RAD51: variants seen among roughly 807,000 people sequenced by gnomAD.
RAD51 encodes RAD51 recombinase, also known as DNA repair protein RAD51 homolog 1.
In RAD51, 14 loss-of-function variants were observed where a neutral mutation model predicts 41.5. The ratio of observed to expected loss-of-function variants is 0.34; its 90% CI spans 0.22 to 0.53. RAD51 has a LOEUF of 0.53. RAD51 is among the 20% of genes least tolerant of loss of function. The probability of loss-of-function intolerance (pLI) is 0.95; values close to 1 mark genes in which losing one functional copy is unlikely to be tolerated. For missense variants in RAD51, 234 were observed against 422.0 expected, an observed-to-expected ratio of 0.55 and a Z score of 3.90; for synonymous variants, 136 against 148.6, an observed-to-expected ratio of 0.92 and a Z score of 0.62.
chr15:40,728,863 A>T lies in RAD51; in HGVS notation c.644+39A>T, dbSNP rs569512886. The T allele has an allele frequency of 8.5e-6, 13 of 1,523,694 alleles. No individual in the cohort carries two copies. In the South Asian group the frequency reaches 1.5e-4, roughly 17 times the overall value. 94.4% of individuals were successfully genotyped at this position (1,523,694 alleles called of 1,614,324 possible). A position where few individuals can be genotyped will look rare whatever the true frequency, so the allele number is the denominator to read the frequency against. ...ATAAGACACCAAATATGTTCTTAAG[A>T]GTCCTTCCCTGAATCTTGTAATGGC... On this transcript the variant is annotated intron_variant, in intron 7 of 9. Coordinates refer to ENST00000267868, the MANE Select transcript of RAD51 (RefSeq NM_002875.5).
At chr15:40,702,354 G>C (rs1007776527) in intron 3 of RAD51, among the ~76,000 whole-genome samples, 4 of 152,100 alleles carry the variant, frequency 2.6e-5, no homozygotes, top group Non-Finnish European at 4.4e-5. Flanking sequence ...GCGAGATCTT[G>C]GTTTCAGAAA....
intron 2 of RAD51, 54 bp downstream of exon 2, chr15:40,698,899 G>GTAGAA: frequency 1.3e-6 from 2 of 1,511,062 alleles, no homozygotes; most frequent in Non-Finnish European, 1.8e-6. Flanking sequence ...TCTACCTAGT[G>GTAGAA]GAAGGTATTA....
intron 3 of RAD51, among the ~76,000 whole-genome samples, chr15:40,702,446 C>T (rs1382242651): frequency 2.6e-5 from 4 of 152,118 alleles, no homozygotes; most frequent in East Asian, 1.9e-4. Flanking sequence ...TATAGACTTA[C>T]GTGTCTTTAC....
At chr15:40,722,740 A>ATTT (rs891491509) in intron 6 of RAD51, among the ~76,000 whole-genome samples, 48 of 152,296 alleles carry the variant, frequency 3.2e-4, no homozygotes, top group African/African-American at 1.1e-3. Flanking sequence ...CCTAACTATA[A>ATTT]TTTTTCAGAG....
chr15:40,723,631 G>C, intron 6 of RAD51, among the ~76,000 whole-genome samples: 1 of 152,142 alleles, frequency 6.6e-6, no homozygotes, highest in East Asian at 1.9e-4. Context: ...ATAATCTAAG[G>C]GATAGAAGAA....
intron 3 of RAD51, among the ~76,000 whole-genome samples, chr15:40,705,636 G>T (rs962178871): frequency 6.6e-6 from 1 of 152,062 alleles, no homozygotes; most frequent in East Asian, 1.9e-4. Context: ...ACAGAGTCTC[G>T]CTCTGTCCCC....
intron 2 of RAD51, among the ~76,000 whole-genome samples, chr15:40,700,140 C>G (rs746501853): frequency 6.6e-6 from 1 of 152,180 alleles, no homozygotes; most frequent in Non-Finnish European, 1.5e-5. Flanking sequence ...AATCTCTCCC[C>G]TCTTCTAAAT....
At position 40,729,649 on chromosome 15, in the gene RAD51, A is replaced by G; in HGVS notation, c.774+15A>G. ...TCGCTGATGAGGTAAGTTGTGGGAT[A>G]GGGACAGAGAATGCCTACTTTCAGT... On this transcript the variant is annotated intron_variant, in intron 8 of 9. Transcript: ENST00000267868. The G allele has an allele frequency of 6.2e-7, 1 of 1,613,428 alleles. No individual in the cohort carries two copies. Among genetic ancestry groups the G allele is most frequent in the Non-Finnish European group, 8.5e-7 (1 of 1,179,944 alleles).
At chr15:40,710,059 A>G (rs993158216) in intron 5 of RAD51, among the ~76,000 whole-genome samples, 1 of 151,770 alleles carries the variant, frequency 6.6e-6, no homozygotes. Context: ...TGGCTAACAC[A>G]GTGAAACCCC....
chr15:40,721,627 G>A (rs1312703467), intron 6 of RAD51, among the ~76,000 whole-genome samples: 1 of 152,140 alleles, frequency 6.6e-6, no homozygotes, highest in Non-Finnish European at 1.5e-5. Flanking sequence ...ACAGATGTGA[G>A]CCACTAAACC....
intron 3 of RAD51, among the ~76,000 whole-genome samples, chr15:40,702,971 T>A (rs1227672742): frequency 6.6e-6 from 1 of 152,212 alleles, no homozygotes; most frequent in African/African-American, 2.4e-5. Flanking sequence ...TATAGGCACA[T>A]GCCACTAGCC....
chr15:40,732,328 G>C lies in RAD51; in HGVS notation c.*1150G>C. ...CTTAAAAGCTAATGGAAAAATAAAA[G>C]AAAGACATACCATGGGTTGCCTTGT... On this transcript the variant is annotated 3_prime_UTR_variant, in exon 10 of 10. Transcript: ENST00000267868. 2 of 161,136 alleles carry C rather than the reference G, an allele frequency of 1.2e-5. No homozygotes were observed. Among genetic ancestry groups the C allele is most frequent in the East Asian group, 1.4e-4 (1 of 7,036 alleles). The allele number at this position is 161,136 out of a possible 1,614,324, so 10.0% of individuals were successfully genotyped here. A position where few individuals can be genotyped will look rare whatever the true frequency, so the allele number is the denominator to read the frequency against.
intron 8 of RAD51, 37 bp downstream of exon 8, chr15:40,729,671 C>T (rs756667020): frequency 6.2e-7 from 1 of 1,613,006 alleles, no homozygotes; most frequent in African/African-American, 1.3e-5. Context: ...TGCCTACTTT[C>T]AGTGGCTGTG....
intron 5 of RAD51, among the ~76,000 whole-genome samples, chr15:40,714,757 A>G (rs1326794068): frequency 1.3e-5 from 2 of 152,226 alleles, no homozygotes; most frequent in Admixed American, 6.5e-5. Flanking sequence ...TGTTTTCTCA[A>G]TTTAATGAAG....
In RAD51 at chr15:40,713,637, C is replaced by G. The variant is rs1190143191; in HGVS notation, c.435+4521C>G. Among the ~76,000 whole-genome samples, 32 of 140,928 alleles carry G rather than the reference C, an allele frequency of 2.3e-4. 1 individual carries two copies. 92.5% of individuals were successfully genotyped at this position (140,928 alleles called of 152,430 possible). On this transcript the variant is annotated intron_variant, in intron 5 of 9. Transcript: ENST00000267868. The stretch of plus-strand genomic sequence containing the variant: ...TTTTTTTTTTTTTGAGGCGGAGTCT[C>G]ATTCTGTCGCCTGGGCTGGAGTGCA...
At chr15:40,700,849 C>T (rs1894939591) in intron 2 of RAD51, among the ~76,000 whole-genome samples, 1 of 152,056 alleles carries the variant, frequency 6.6e-6, no homozygotes. Flanking sequence ...AGGTAATACG[C>T]CATTTTATAT....
intron 9 of RAD51, among the ~76,000 whole-genome samples, chr15:40,730,524 T>TTTTTTTTTTCTTTTC (rs1567056556): frequency 1.5e-5 from 2 of 132,580 alleles, no homozygotes; most frequent in African/African-American, 2.8e-5. Context: ...TTTTTTCTTT[T>TTTTTTTTTTCTTTTC]TTTTTTTTTT....
chr15:40,728,090 C>T (rs1896679174), intron 6 of RAD51, among the ~76,000 whole-genome samples: 1 of 152,140 alleles, frequency 6.6e-6, no homozygotes, highest in South Asian at 2.1e-4. Context: ...CGACTCCTGA[C>T]ATCAGGTGAT....
At chr15:40,721,074 T>A (rs1031453031) in intron 6 of RAD51, among the ~76,000 whole-genome samples, 2 of 152,174 alleles carry the variant, frequency 1.3e-5, no homozygotes, top group South Asian at 2.1e-4. Context: ...TCTGAGCTAC[T>A]TGGGAGGGTA....
Sources: gnomAD v4.1 joint callset for allele counts (sites outside exome capture counted in the v4.1 genomes callset) on GRCh38, gnomAD v4.1.1 for gene constraint, MANE v1.5 for transcripts, NCBI Gene and HGNC (gene_info 2026-07-23, HGNC 2026-07-21) for gene names.